The following CDKAL1 variants were observed in gnomAD, a reference collection of about 807,000 sequenced individuals.
The protein encoded by CDKAL1 is CDKAL1 threonylcarbamoyladenosine tRNA methylthiotransferase.
CDKAL1 carries 32 observed loss-of-function variants against 68.2 expected under a neutral mutation model. The ratio of observed to expected loss-of-function variants is 0.47; its 90% CI spans 0.35 to 0.63. The LOEUF (loss-of-function observed/expected upper bound fraction) is 0.63, where lower values mean the gene tolerates loss of function less well. Among genes scored for constraint, CDKAL1 ranks in the 30% least tolerant of loss-of-function variants. The pLI is 0.00. For missense variants in CDKAL1, 606 were observed against 696.7 expected, an observed-to-expected ratio of 0.87 and a Z score of 1.47; for synonymous variants, 234 against 244.3, an observed-to-expected ratio of 0.96 and a Z score of 0.39.
At chr6:20,620,260 A>C (rs530234204) in intron 4 of CDKAL1, among the ~76,000 whole-genome samples, 5 of 152,244 alleles carry the variant, frequency 3.3e-5, no homozygotes, top group Non-Finnish European at 7.4e-5. Context: ...AACAATGTAT[A>C]TTTAACAAGA....
chr6:20,732,263 C>CTT (rs56911987), intron 5 of CDKAL1, among the ~76,000 whole-genome samples: 896 of 83,382 alleles, frequency 0.011, 8 homozygotes, highest in African/African-American at 0.021. Context: ...TTCTTTCTTT[C>CTT]TTTTTTTTTT....
chr6:20,725,803 A>AT (rs1772624466), intron 5 of CDKAL1, among the ~76,000 whole-genome samples: 1 of 151,072 alleles, frequency 6.6e-6, no homozygotes. Flanking sequence ...AAAAAAAAAA[A>AT]AGAAAAAGTT....
intron 5 of CDKAL1, among the ~76,000 whole-genome samples, chr6:20,655,940 T>C (rs1253475408): frequency 6.6e-6 from 1 of 152,202 alleles, no homozygotes; most frequent in Non-Finnish European, 1.5e-5. Context: ...TGAGCTTTAT[T>C]GAGTGTCTTC....
At chr6:20,793,334 T>C (rs1775976375) in intron 8 of CDKAL1, among the ~76,000 whole-genome samples, 1 of 152,168 alleles carries the variant, frequency 6.6e-6, no homozygotes, top group African/African-American at 2.4e-5. Flanking sequence ...GCAACAAAAA[T>C]AATGACAAGG....
At chr6:20,787,147 A>G (rs1166064526) in intron 8 of CDKAL1, among the ~76,000 whole-genome samples, 1 of 152,144 alleles carries the variant, frequency 6.6e-6, no homozygotes. Context: ...ATCTTTTAAA[A>G]TTTATCTTGT....
chr6:20,909,412 T>C (rs1312965792), intron 9 of CDKAL1, among the ~76,000 whole-genome samples: 1 of 152,204 alleles, frequency 6.6e-6, no homozygotes, highest in Non-Finnish European at 1.5e-5. Context: ...CCAGTGAGTC[T>C]TTACTTACTC....
chr6:20,715,958 T>G (rs1283339133), intron 5 of CDKAL1, among the ~76,000 whole-genome samples: 1 of 152,178 alleles, frequency 6.6e-6, no homozygotes, highest in East Asian at 1.9e-4. Context: ...ATTTCACTTG[T>G]AATTTTAGTT....
intron 9 of CDKAL1, among the ~76,000 whole-genome samples, chr6:20,868,230 C>A (rs1433132420): frequency 6.6e-6 from 1 of 152,016 alleles, no homozygotes; most frequent in Non-Finnish European, 1.5e-5. Flanking sequence ...AAATATCACC[C>A]CCATTCTAAA....
chr6:20,829,770 G>T (rs181049632), intron 8 of CDKAL1, among the ~76,000 whole-genome samples: 2 of 152,292 alleles, frequency 1.3e-5, no homozygotes, highest in Non-Finnish European at 2.9e-5. Flanking sequence ...AGAGATGTGG[G>T]TCTACAAACA....
chr6:21,108,561 C>A, intron 13 of CDKAL1, 98 bp downstream of exon 13: 1 of 694,504 alleles, frequency 1.4e-6, no homozygotes, highest in Non-Finnish European at 2.4e-6. Flanking sequence ...ATACACTTAC[C>A]AATTACATTT....
At chr6:20,889,569 C>T (rs1243543041) in intron 9 of CDKAL1, among the ~76,000 whole-genome samples, 1 of 152,136 alleles carries the variant, frequency 6.6e-6, no homozygotes, top group Non-Finnish European at 1.5e-5. Context: ...GGAAGGGATC[C>T]AGTTTCAGCT....
At chr6:20,717,287 T>C (rs1365027840) in intron 5 of CDKAL1, among the ~76,000 whole-genome samples, 1 of 151,968 alleles carries the variant, frequency 6.6e-6, no homozygotes, top group Non-Finnish European at 1.5e-5. Context: ...TTTTGTATTT[T>C]TAATACAAAA....
intron 12 of CDKAL1, among the ~76,000 whole-genome samples, chr6:21,076,307 A>C (rs1341572881): frequency 6.6e-6 from 1 of 152,210 alleles, no homozygotes; most frequent in Non-Finnish European, 1.5e-5. Flanking sequence ...TTGCTCAATG[A>C]CATACAGTGA....
chr6:20,679,887 A>G (rs1312967656), intron 5 of CDKAL1, among the ~76,000 whole-genome samples: 1 of 152,100 alleles, frequency 6.6e-6, no homozygotes, highest in African/African-American at 2.4e-5. Context: ...TCTCCCAGGT[A>G]CTGGTTGACC....
intron 8 of CDKAL1, among the ~76,000 whole-genome samples, chr6:20,791,456 T>A (rs1450726813): frequency 6.6e-6 from 1 of 152,176 alleles, no homozygotes; most frequent in Non-Finnish European, 1.5e-5. Flanking sequence ...ATAACGTCAG[T>A]GGCCTCTAGC....
chr6:20,900,468 T>A (rs1421499672), intron 9 of CDKAL1, among the ~76,000 whole-genome samples: 2 of 152,220 alleles, frequency 1.3e-5, no homozygotes, highest in African/African-American at 4.8e-5. Flanking sequence ...TCTGATGCAG[T>A]ATGCAAATAA....
At chr6:21,210,031 G>A (rs767735238) in intron 15 of CDKAL1, among the ~76,000 whole-genome samples, 4 of 152,192 alleles carry the variant, frequency 2.6e-5, no homozygotes, top group Non-Finnish European at 4.4e-5. Context: ...AGGACTGTCT[G>A]CATCAGTCCT....
intron 5 of CDKAL1, among the ~76,000 whole-genome samples, chr6:20,671,327 A>G (rs1000352099): frequency 5.3e-5 from 8 of 152,008 alleles, no homozygotes; most frequent in East Asian, 1.9e-4. Flanking sequence ...TCAATCATTC[A>G]TGTCTCTTAT....
Position 20,539,979 on chromosome 6 carries a change from G to C in CDKAL1, c.-6+4585G>C, listed in dbSNP as rs1763323336. On this transcript the variant is annotated intron_variant, in intron 2 of 15. Transcript: ENST00000274695. This position sits in a 1 kb window ranked among gnomAD's most constrained non-coding sequence, Gnocchi z 4.3. ...AAATAGATTCTGAATATATTTTGAA[G>C]GTACAGCCAACAGGATGTTGTTGAT... 6.6e-6 allele frequency among the ~76,000 whole-genome samples: 1 copy of C among 152,100 alleles called. No individual in the cohort carries two copies. Among genetic ancestry groups the C allele is most frequent in the Non-Finnish European group, 1.5e-5 (1 of 68,020 alleles).
Sources: allele counts gnomAD v4.1 joint callset (sites outside exome capture counted in the v4.1 genomes callset), GRCh38; gene constraint gnomAD v4.1.1; non-coding constraint Gnocchi (gnomAD v3.1); transcripts MANE v1.5; gene names NCBI Gene and HGNC (gene_info 2026-07-23, HGNC 2026-07-21).